The following ALPK1 variants were observed in gnomAD, a reference collection of about 807,000 sequenced individuals.
ALPK1 encodes the protein alpha-protein kinase 1.
Under a neutral mutation model 120.6 loss-of-function variants are expected in ALPK1, and 110 were observed. That is an observed-to-expected ratio of 0.91 (90% CI 0.78 to 1.07). The LOEUF (loss-of-function observed/expected upper bound fraction) is 1.07. Ranked by LOEUF, ALPK1 falls within the 50% of genes least tolerant of loss-of-function variation. The pLI is 0.00. For missense variants in ALPK1, 1,498 were observed against 1,483.9 expected (o/e 1.01, Z -0.16); for synonymous variants, 582 against 560.3 (o/e 1.04, Z -0.55).
Position 112,442,497 on chromosome 4 carries a change from G to C in ALPK1, c.*1287G>C, listed in dbSNP as rs1488188515. 1 of 151,906 alleles carries C rather than the reference G, an allele frequency of 6.6e-6. No homozygotes were observed. Among genetic ancestry groups the C allele is most frequent in the Non-Finnish European group, 1.5e-5 (1 of 68,002 alleles). 9.4% of individuals were successfully genotyped at this position (151,906 alleles called of 1,614,324 possible). Reference sequence around the variant, plus strand: ...ACAGTGGGAGGAGGGAGAGGATCAGGAAAAATAACTAATGGGTACTAGGCT... The same window carrying C: ...ACAGTGGGAGGAGGGAGAGGATCAGCAAAAATAACTAATGGGTACTAGGCT... On this transcript the variant is annotated 3_prime_UTR_variant, in exon 16 of 16. Transcript: ENST00000650871.
intron 1 of ALPK1, among the ~76,000 whole-genome samples, chr4:112,306,913 C>G (rs1405033032): frequency 6.6e-6 from 1 of 152,122 alleles, no homozygotes; most frequent in East Asian, 1.9e-4. Flanking sequence ...CCTCTACACT[C>G]TACTTTAAAT....
chr4:112,352,213 T>A (rs1730393007), intron 2 of ALPK1, among the ~76,000 whole-genome samples: 1 of 152,212 alleles, frequency 6.6e-6, no homozygotes. Flanking sequence ...ATTTATAAAA[T>A]AGATGTGATA....
intron 11 of ALPK1, among the ~76,000 whole-genome samples, chr4:112,433,827 G>A (rs1182040184): frequency 3.3e-5 from 5 of 152,178 alleles, no homozygotes; most frequent in Admixed American, 6.5e-5. Context: ...GGCGCCACAT[G>A]AGACTCTTCT....
At position 112,328,565 on chromosome 4, in the gene ALPK1, T is replaced by C. The variant is rs192919876; in HGVS notation, c.-101+12713T>C. Among the ~76,000 whole-genome samples, 7 of 152,354 alleles carry C rather than the reference T, an allele frequency of 4.6e-5. No individual in the cohort carries two copies. The East Asian group carries it at 7.7e-4, about 17-fold the overall frequency. On this transcript the variant is annotated intron_variant, in intron 2 of 15. Transcript: ENST00000650871. ...TTTAGGGACCAATTACCATCCTTTA[T>C]TGACATCATTTCACTGGCTGACAGA...
rs1734526622 is a variant in ALPK1, at chr4:112,431,132, A to C, written c.1585A>C (p.Arg529=). 1.2e-6 allele frequency: 2 copies of C among 1,614,106 alleles called. No homozygotes were observed. Among genetic ancestry groups the C allele is most frequent in the Non-Finnish European group, 1.7e-6 (2 of 1,180,054 alleles). ...SSSLMGKNVQ[R]ELRRGGRRNW... is the part of the protein sequence containing the mutation. ...CTCCCTAATGGGTAAGAATGTTCAGAGGGAACTCAGAAGGGGAGGAAGGAG... is the reference window on the plus strand; with the variant it reads ...CTCCCTAATGGGTAAGAATGTTCAGCGGGAACTCAGAAGGGGAGGAAGGAG... Residue 529 remains arginine, a synonymous_variant, in exon 11 of 16, where the codon AGG becomes CGG. Coordinates refer to ENST00000650871, the MANE Select transcript of ALPK1 (RefSeq NM_025144.4).
intron 2 of ALPK1, among the ~76,000 whole-genome samples, chr4:112,325,295 A>G (rs1578466009): frequency 6.6e-6 from 1 of 152,232 alleles, no homozygotes; most frequent in Admixed American, 6.5e-5. Context: ...ATTCCCATTT[A>G]CCAGCCATGA....
chr4:112,418,545 C>G (rs1446818606), intron 5 of ALPK1, among the ~76,000 whole-genome samples: 1 of 152,166 alleles, frequency 6.6e-6, no homozygotes, highest in East Asian at 1.9e-4. Context: ...GGAAGTGGTA[C>G]CCGCAGTGGC....
chr4:112,355,064 CT>C (rs1730540700), intron 2 of ALPK1, among the ~76,000 whole-genome samples: 1 of 152,118 alleles, frequency 6.6e-6, no homozygotes, highest in African/African-American at 2.4e-5. Context: ...CTCCTCATGT[CT>C]TCCCATGAGG....
At chr4:112,440,158 A>G (rs982255337) in intron 14 of ALPK1, among the ~76,000 whole-genome samples, 1 of 152,142 alleles carries the variant, frequency 6.6e-6, no homozygotes, top group Non-Finnish European at 1.5e-5. Flanking sequence ...TATTTCACTT[A>G]AGTAGATTTG....
At chr4:112,316,513 G>T (rs546640468) in intron 2 of ALPK1, among the ~76,000 whole-genome samples, 2 of 152,108 alleles carry the variant, frequency 1.3e-5, no homozygotes, top group African/African-American at 4.8e-5. Flanking sequence ...AATTCTTTTG[G>T]GTGTATGTAG....
chr4:112,441,065 C>T lies in ALPK1; in HGVS notation c.3687C>T (p.Cys1229=). The T allele has an allele frequency of 6.2e-7, 1 of 1,613,810 alleles. No individual in the cohort carries two copies. Among genetic ancestry groups the T allele is most frequent in the Non-Finnish European group, 8.5e-7 (1 of 1,179,806 alleles). Residue 1229 remains cysteine, a synonymous_variant, in exon 15 of 16, where the codon TGC becomes TGT. Coordinates refer to ENST00000650871, the MANE Select transcript of ALPK1 (RefSeq NM_025144.4). ...AGCATGTGGAATGTAATGAAATCTG[C>T]CATCGTCTTTCTTTGACTAGACCTT... ...NNQHVECNEI[C]HRLSLTRPSM...
intron 2 of ALPK1, among the ~76,000 whole-genome samples, chr4:112,374,376 G>T (rs1731557629): frequency 6.6e-6 from 1 of 152,140 alleles, no homozygotes; most frequent in African/African-American, 2.4e-5. Context: ...TAGTTCTCTT[G>T]CTATTTCCAC....
intron 4 of ALPK1, among the ~76,000 whole-genome samples, chr4:112,394,685 T>C (rs746711086): frequency 3.7e-4 from 56 of 152,172 alleles, no homozygotes; most frequent in Admixed American, 9.2e-4. Flanking sequence ...ACCAAGAAAC[T>C]TTGGTTGCCA....
At chr4:112,390,873 G>A (rs1021470889) in intron 4 of ALPK1, among the ~76,000 whole-genome samples, 1 of 152,212 alleles carries the variant, frequency 6.6e-6, no homozygotes, top group African/African-American at 2.4e-5. Context: ...ATTATAAATT[G>A]GAGTGGGGAG....
intron 4 of ALPK1, among the ~76,000 whole-genome samples, chr4:112,393,824 T>A (rs1200245446): frequency 1.3e-5 from 2 of 152,178 alleles, no homozygotes; most frequent in Non-Finnish European, 2.9e-5. Context: ...TTCCAAACAT[T>A]TTCTCTTCCC....
At chr4:112,398,087 C>T (rs971582317) in intron 4 of ALPK1, among the ~76,000 whole-genome samples, 5 of 152,000 alleles carry the variant, frequency 3.3e-5, no homozygotes, top group Non-Finnish European at 7.4e-5. Context: ...GACTGGAGCC[C>T]AGATCTGAAT....
At chr4:112,397,433 C>A (rs181888928) in intron 4 of ALPK1, among the ~76,000 whole-genome samples, 2 of 152,292 alleles carry the variant, frequency 1.3e-5, no homozygotes, top group Non-Finnish European at 1.5e-5. Context: ...AAGGTAATTG[C>A]GGTTTTTGCT....
Position 112,339,439 on chromosome 4 carries a change from A to G in ALPK1, c.-101+23587A>G, listed in dbSNP as rs572773456. 1.1e-4 allele frequency among the ~76,000 whole-genome samples: 16 copies of G among 152,340 alleles called. No homozygotes were observed. In the East Asian group the frequency reaches 2.7e-3, roughly 26 times the overall value. On this transcript the variant is annotated intron_variant, in intron 2 of 15. Coordinates refer to ENST00000650871, the MANE Select transcript of ALPK1 (RefSeq NM_025144.4). ...AATTTTTACACAATAATTATTTTCA[A>G]TATTACGAATAATTTATAAACCAAT...
chr4:112,405,923 G>C (rs1733152013), intron 4 of ALPK1, among the ~76,000 whole-genome samples: 1 of 152,104 alleles, frequency 6.6e-6, no homozygotes. Context: ...ACAGAACCTT[G>C]CTGAGGCCAC....
Sources: gnomAD v4.1 joint callset for allele counts (sites outside exome capture counted in the v4.1 genomes callset) on GRCh38, gnomAD v4.1.1 for gene constraint, MANE v1.5 for transcripts, NCBI Gene and HGNC (gene_info 2026-07-23, HGNC 2026-07-21) for gene names.